The following ANO6 variants were observed in gnomAD, a reference collection of about 807,000 sequenced individuals.
ANO6 encodes anoctamin-6.
Under a neutral mutation model 117.5 loss-of-function variants are expected in ANO6, and 106 were observed. The observed-to-expected ratio is 0.90, with a 90% CI of 0.77 to 1.06. The LOEUF is 1.06. Ranked by LOEUF, ANO6 falls within the 50% of genes least tolerant of loss-of-function variation. The pLI, the probability that ANO6 is intolerant of heterozygous loss-of-function variation, is 0.00. For synonymous variants in ANO6, 367 were observed against 385.1 expected, an observed-to-expected ratio of 0.95 and a Z score of 0.55; for missense variants, 955 against 1,121.1, an observed-to-expected ratio of 0.85 and a Z score of 2.12.
chr12:45,394,066 T>C (rs570181571), intron 12 of ANO6, among the ~76,000 whole-genome samples: 2 of 151,854 alleles, frequency 1.3e-5, no homozygotes, highest in Admixed American at 6.6e-5. Flanking sequence ...GGATAAAGAG[T>C]CAAGACCCAT....
At chr12:45,432,624 A>ATGTT (rs1236468783), downstream of ANO6, among the ~76,000 whole-genome samples, 1 of 152,214 alleles carries the variant, frequency 6.6e-6, no homozygotes, top group African/African-American at 2.4e-5. Context: ...CTTTTGAATA[A>ATGTT]TGTTTGATTT....
intron 12 of ANO6, among the ~76,000 whole-genome samples, chr12:45,400,592 T>C (rs1942758217): frequency 2.0e-5 from 3 of 152,208 alleles, no homozygotes. Context: ...TAATATTCTG[T>C]TTTTACCTGA....
intron 9 of ANO6, 86 bp from the exon 10 acceptor site, chr12:45,377,967 C>A: frequency 7.6e-7 from 1 of 1,309,094 alleles, no homozygotes; most frequent in Non-Finnish European, 1.1e-6. Flanking sequence ...AACTTCAAGA[C>A]TGTAGAATAG....
intron 16 of ANO6, among the ~76,000 whole-genome samples, chr12:45,410,067 G>A (rs770476652): frequency 3.5e-4 from 54 of 152,254 alleles, no homozygotes; most frequent in Non-Finnish European, 7.1e-4. Context: ...TCTTTACCAC[G>A]AATTCTTAAA....
chr12:45,308,294 G>T (rs1939742562), intron 2 of ANO6, among the ~76,000 whole-genome samples: 1 of 151,968 alleles, frequency 6.6e-6, no homozygotes, highest in Admixed American at 6.6e-5. Context: ...GGCCATAGCT[G>T]TAGGGACTGT....
intron 1 of ANO6, among the ~76,000 whole-genome samples, chr12:45,238,569 A>T (rs976398974): frequency 6.6e-6 from 1 of 152,192 alleles, no homozygotes. Flanking sequence ...CAGAACTTCC[A>T]ACACTGTGTT....
intron 8 of ANO6, among the ~76,000 whole-genome samples, chr12:45,361,871 A>G (rs1941564127): frequency 6.6e-6 from 1 of 152,026 alleles, no homozygotes. Flanking sequence ...TGTAGTACTT[A>G]TTTTATATGG....
intron 9 of ANO6, among the ~76,000 whole-genome samples, chr12:45,375,093 T>G (rs1941967745): frequency 1.3e-5 from 2 of 151,970 alleles, no homozygotes; most frequent in Non-Finnish European, 2.9e-5. Flanking sequence ...ATGAGTGAAC[T>G]CCCATTCACA....
chr12:45,342,600 G>A (rs892283409), intron 3 of ANO6, among the ~76,000 whole-genome samples: 3 of 152,022 alleles, frequency 2.0e-5, no homozygotes, highest in African/African-American at 7.3e-5. Context: ...AGAAAATTTG[G>A]GGGGCTGCAG....
At chr12:45,324,067 A>G (rs988629377) in intron 2 of ANO6, among the ~76,000 whole-genome samples, 1 of 151,210 alleles carries the variant, frequency 6.6e-6, no homozygotes, top group Non-Finnish European at 1.5e-5. Flanking sequence ...CCTCCCGAGT[A>G]GCTGGGATTA....
intron 1 of ANO6, among the ~76,000 whole-genome samples, chr12:45,240,314 A>G (rs572531856): frequency 8.2e-6 from 1 of 122,648 alleles, no homozygotes; most frequent in Admixed American, 8.5e-5. Context: ...TGTTCGTTTA[A>G]TGTCTGTTTT....
exon 20 of ANO6, chr12:45,439,864 T>G: frequency 6.5e-7 from 1 of 1,533,504 alleles, no homozygotes; most frequent in South Asian, 1.3e-5. Context: ...TATTTTCTTT[T>G]CTGTTACTTT....
At chr12:45,411,045 A>T (rs1279895969) in intron 16 of ANO6, among the ~76,000 whole-genome samples, 2 of 152,252 alleles carry the variant, frequency 1.3e-5, no homozygotes, top group African/African-American at 4.8e-5. Flanking sequence ...ACTGTAAGAC[A>T]ATTACCTGTT....
rs753125752 is a variant in ANO6 at position 45,403,224 on chromosome 12, A to T, written c.1765A>T (p.Lys589Ter). The change falls in exon 14 of 20, where the codon AAA becomes TAA. Residue 589 changes from lysine to a stop codon, truncating the protein, a stop_gained. Coordinates refer to ENST00000320560, the MANE Select transcript of ANO6 (RefSeq NM_001025356.3). LOFTEE classifies it high-confidence loss of function. Reference protein sequence around the residue: ...YPGDPVYWLGKYRNEECDPGG... With the variant: ...YPGDPVYWLG Reference sequence around the variant, plus strand: ...AGGAGACCCAGTTTATTGGTTGGGAAAATACAGAAATGAAGAGGTATGAAT... The same window carrying T: ...AGGAGACCCAGTTTATTGGTTGGGATAATACAGAAATGAAGAGGTATGAAT... 1.1e-5 allele frequency: 18 copies of T among 1,613,802 alleles called. No homozygotes were observed. Among genetic ancestry groups the T allele is most frequent in the Non-Finnish European group, 1.5e-5 (18 of 1,179,888 alleles).
At chr12:45,266,649 T>C (rs1001722838) in intron 1 of ANO6, among the ~76,000 whole-genome samples, 14 of 152,122 alleles carry the variant, frequency 9.2e-5, no homozygotes, top group Non-Finnish European at 1.8e-4. Context: ...GTTAAAAAAT[T>C]AGCTGAGCGT....
chr12:45,236,381 A>T (rs1192479521), intron 1 of ANO6, among the ~76,000 whole-genome samples: 1 of 152,128 alleles, frequency 6.6e-6, no homozygotes, highest in Non-Finnish European at 1.5e-5. Flanking sequence ...TCCCTCCTGC[A>T]GCCCCCCACC....
intron 3 of ANO6, among the ~76,000 whole-genome samples, chr12:45,332,644 T>C (rs1204303314): frequency 6.6e-6 from 1 of 152,030 alleles, no homozygotes; most frequent in Non-Finnish European, 1.5e-5. Context: ...GAGTGTTTAT[T>C]GTTCACGTCA....
chr12:45,381,881 A>C (rs938832682), intron 10 of ANO6, among the ~76,000 whole-genome samples: 1 of 152,040 alleles, frequency 6.6e-6, no homozygotes, highest in African/African-American at 2.4e-5. Context: ...AGTTAAGAAT[A>C]TTATCATGAA....
At chr12:45,318,749 C>A (rs544018396) in intron 2 of ANO6, among the ~76,000 whole-genome samples, 1 of 152,210 alleles carries the variant, frequency 6.6e-6, no homozygotes, top group East Asian at 1.9e-4. Flanking sequence ...ATTCTTCCTA[C>A]CCATGAGCAT....
Sources: gnomAD v4.1 joint callset for allele counts (sites outside exome capture counted in the v4.1 genomes callset) on GRCh38, gnomAD v4.1.1 for gene constraint, MANE v1.5 for transcripts, NCBI Gene and HGNC (gene_info 2026-07-23, HGNC 2026-07-21) for gene names.